The following HS6ST3 variants were observed in gnomAD, a reference collection of about 807,000 sequenced individuals.
HS6ST3 encodes heparan sulfate 6-O-sulfotransferase 3, also known as heparan-sulfate 6-O-sulfotransferase 3.
Under a neutral mutation model 36.7 loss-of-function variants are expected in HS6ST3, and 12 were observed. The ratio of observed to expected loss-of-function variants is 0.33; its 90% confidence interval spans 0.21 to 0.53. The LOEUF (loss-of-function observed/expected upper bound fraction) is 0.53, where lower values mean the gene tolerates loss of function less well. HS6ST3 is among the 20% of genes least tolerant of loss of function. HS6ST3 has a pLI of 0.95. For synonymous variants in HS6ST3, 240 were observed against 257.5 expected, an observed-to-expected ratio of 0.93 and a Z score of 0.65; for missense variants, 584 against 640.9, an observed-to-expected ratio of 0.91 and a Z score of 0.96.
intron 1 of HS6ST3, among the ~76,000 whole-genome samples, chr13:96,481,617 C>T (rs960435309): frequency 1.3e-5 from 2 of 152,272 alleles, no homozygotes; most frequent in East Asian, 1.9e-4. Context: ...GTTGCCTTCC[C>T]CAGATGCCTT....
intron 1 of HS6ST3, among the ~76,000 whole-genome samples, chr13:96,767,997 A>G (rs1478517133): frequency 6.6e-6 from 1 of 152,142 alleles, no homozygotes; most frequent in Non-Finnish European, 1.5e-5. Flanking sequence ...TTGCTCTCCC[A>G]TGTAAGCTAG....
intron 1 of HS6ST3, among the ~76,000 whole-genome samples, chr13:96,693,327 G>T (rs1187490892): frequency 1.3e-5 from 2 of 151,984 alleles, no homozygotes; most frequent in African/African-American, 4.8e-5. Context: ...ATTTTGAGAT[G>T]GCGTTTCACT....
At chr13:96,098,959 T>G (rs1486384503) in intron 1 of HS6ST3, among the ~76,000 whole-genome samples, 3 of 151,902 alleles carry the variant, frequency 2.0e-5, no homozygotes, top group Non-Finnish European at 4.4e-5. Context: ...TGTTGTTGTT[T>G]TTGAGATGGA....
chr13:96,241,893 C>T (rs967509040), intron 1 of HS6ST3, among the ~76,000 whole-genome samples: 1 of 149,694 alleles, frequency 6.7e-6, no homozygotes, highest in African/African-American at 2.5e-5. Context: ...TCACGCCATT[C>T]TTCTGCCTCA....
chr13:96,241,436 G>A (rs895302211), intron 1 of HS6ST3, among the ~76,000 whole-genome samples: 9 of 151,596 alleles, frequency 5.9e-5, no homozygotes, highest in African/African-American at 2.2e-4. Flanking sequence ...TTGAAAAAAA[G>A]CATTTAAATT....
chr13:96,166,612 G>C (rs927060751), intron 1 of HS6ST3, among the ~76,000 whole-genome samples: 11 of 111,202 alleles, frequency 9.9e-5, no homozygotes, highest in Admixed American at 2.2e-4. Flanking sequence ...GGGTTTTGCT[G>C]TGTTGACCAG....
chr13:96,273,074 G>A (rs1003127407), intron 1 of HS6ST3, among the ~76,000 whole-genome samples: 1 of 151,930 alleles, frequency 6.6e-6, no homozygotes. Flanking sequence ...AAAGATCCAC[G>A]TAATATTTCA....
At chr13:96,496,494 C>G (rs2055976406) in intron 1 of HS6ST3, among the ~76,000 whole-genome samples, 1 of 152,184 alleles carries the variant, frequency 6.6e-6, no homozygotes, top group Admixed American at 6.5e-5. Context: ...TGGAAGCCAG[C>G]TGCCAAATAA....
At chr13:96,503,891 G>A (rs2056015526) in intron 1 of HS6ST3, among the ~76,000 whole-genome samples, 1 of 152,134 alleles carries the variant, frequency 6.6e-6, no homozygotes, top group African/African-American at 2.4e-5. Context: ...ATCAAGGCAT[G>A]GGGAGATTGA....
intron 1 of HS6ST3, among the ~76,000 whole-genome samples, chr13:96,211,457 A>G (rs2054398932): frequency 6.6e-6 from 1 of 152,174 alleles, no homozygotes; most frequent in Non-Finnish European, 1.5e-5. Context: ...TTTCTGGCTT[A>G]TGTAAATAGA....
chr13:96,377,087 G>A (rs762225441), intron 1 of HS6ST3, among the ~76,000 whole-genome samples: 17 of 148,234 alleles, frequency 1.1e-4, no homozygotes, highest in Non-Finnish European at 2.4e-4. Flanking sequence ...TAATTAGGCC[G>A]AGTTTGGTGG....
At chr13:96,439,480 C>T (rs1321266051) in intron 1 of HS6ST3, among the ~76,000 whole-genome samples, 3 of 152,138 alleles carry the variant, frequency 2.0e-5, no homozygotes, top group African/African-American at 4.8e-5. Flanking sequence ...TAAATCACAG[C>T]GAGGAGACAG....
chr13:96,597,053 T>G (rs1310282039), intron 1 of HS6ST3, among the ~76,000 whole-genome samples: 1 of 151,464 alleles, frequency 6.6e-6, no homozygotes, highest in African/African-American at 2.4e-5. Context: ...ATGGATAGAG[T>G]TGGAGACCAT....
intron 1 of HS6ST3, among the ~76,000 whole-genome samples, chr13:96,448,789 T>C (rs1410272352): frequency 6.6e-6 from 1 of 152,166 alleles, no homozygotes; most frequent in Non-Finnish European, 1.5e-5. Flanking sequence ...TAGCACTTTG[T>C]GTTGAAATTG....
chr13:96,215,538 C>T (rs2054421224), intron 1 of HS6ST3, among the ~76,000 whole-genome samples: 2 of 152,096 alleles, frequency 1.3e-5, no homozygotes. Context: ...TTAAAAAAGA[C>T]TTAAGGGGAA....
At chr13:96,221,903 A>G (rs1045871448) in intron 1 of HS6ST3, among the ~76,000 whole-genome samples, 1 of 152,186 alleles carries the variant, frequency 6.6e-6, no homozygotes, top group South Asian at 2.1e-4. Flanking sequence ...TATATCTTCT[A>G]TTTGAAATGG....
chr13:96,367,268 C>T (rs978002732), intron 1 of HS6ST3, among the ~76,000 whole-genome samples: 1 of 151,990 alleles, frequency 6.6e-6, no homozygotes, highest in Non-Finnish European at 1.5e-5. Flanking sequence ...CTTTAAGTAA[C>T]CCTGAAATTA....
intron 1 of HS6ST3, among the ~76,000 whole-genome samples, chr13:96,661,539 T>C (rs1389667565): frequency 1.3e-5 from 2 of 152,110 alleles, no homozygotes; most frequent in African/African-American, 4.8e-5. Flanking sequence ...GAATCTCAGT[T>C]TTTTAATTTA....
intron 1 of HS6ST3, among the ~76,000 whole-genome samples, chr13:96,718,619 C>T (rs1875764964): frequency 6.6e-6 from 1 of 152,124 alleles, no homozygotes; most frequent in Non-Finnish European, 1.5e-5. Flanking sequence ...TGACCTACAC[C>T]TAGTTTCATA....
Sources: allele counts gnomAD v4.1 joint callset (sites outside exome capture counted in the v4.1 genomes callset), GRCh38; gene constraint gnomAD v4.1.1; transcripts MANE v1.5; gene names NCBI Gene and HGNC (gene_info 2026-07-23, HGNC 2026-07-21).